Variants in JAKMIP3 observed in about 807,000 individuals in gnomAD.
The protein encoded by JAKMIP3 is Janus kinase and microtubule interacting protein 3.
JAKMIP3 carries 58 observed loss-of-function variants against 118.5 expected under a neutral mutation model. The ratio of observed to expected loss-of-function variants is 0.49; its 90% CI spans 0.40 to 0.61. JAKMIP3 has a LOEUF of 0.61. Ranked by LOEUF, JAKMIP3 falls within the 20% of genes least tolerant of loss-of-function variation. The pLI, the probability that JAKMIP3 is intolerant of heterozygous loss-of-function variation, is 0.00. For missense variants in JAKMIP3, 950 were observed against 1,109.0 expected (o/e 0.86, Z 2.04); for synonymous variants, 486 against 451.2 (o/e 1.08, Z -0.98).
intron 1 of JAKMIP3, among the ~76,000 whole-genome samples, chr10:132,041,666 C>T (rs537110881): frequency 1.2e-3 from 179 of 152,316 alleles, no homozygotes; most frequent in African/African-American, 4.0e-3. Context: ...AAACATAGCA[C>T]GCTGGCCCCG....
chr10:132,149,934 T>G, intron 15 of JAKMIP3, 48 bp from the exon 16 acceptor site: 7 of 340,568 alleles, frequency 2.1e-5, no homozygotes, highest in Non-Finnish European at 3.0e-5. Context: ...CCCCACCCCC[T>G]CTGCCCACCC....
chr10:132,180,730 C>CGT lies in JAKMIP3; in HGVS notation c.*1104-1621_*1104-1620dup, dbSNP rs1211226738. Among the ~76,000 whole-genome samples, 61 of 8,668 alleles carry CGT rather than the reference C, an allele frequency of 7.0e-3. 6 individuals carry two copies. Among genetic ancestry groups the CGT allele is most frequent in the African/African-American group, 0.016 (24 of 1,548 alleles). The allele number at this position is 8,668 out of a possible 152,430, so 5.7% of individuals were successfully genotyped here. On this transcript the variant is annotated intron_variant, in intron 23 of 23. Coordinates refer to ENST00000684848, the MANE Select transcript of JAKMIP3 (RefSeq NM_001323087.2). ...GTGCGCGTGTGTGTGCGTGTGTGTG[C>CGT]GTGTGTGCGTGCGTGCGCGCGCGTG...
Position 132,108,929 on chromosome 10 carries a change from G to A in JAKMIP3, c.135+3986G>A, listed in dbSNP as rs188207408. Among the ~76,000 whole-genome samples, 429 of 142,892 alleles carry A rather than the reference G, an allele frequency of 3.0e-3. 18 individuals are homozygous for A. Among genetic ancestry groups the A allele is most frequent in the African/African-American group, 0.011 (401 of 35,660 alleles). The allele number at this position is 142,892 out of a possible 152,430, so 93.7% of individuals were successfully genotyped here. A position where few individuals can be genotyped will look rare whatever the true frequency, so the allele number is the denominator to read the frequency against. On this transcript the variant is annotated intron_variant, in intron 2 of 23. Transcript: ENST00000684848. ...GCAAATGTATATATAAATTATATACGCAAATGTATATATAAATTATATACG... is the reference window on the plus strand; with the variant it reads ...GCAAATGTATATATAAATTATATACACAAATGTATATATAAATTATATACG...
rs564220449 is a variant in JAKMIP3, at chr10:132,137,981, C to T, written c.1285-138C>T. Reference sequence around the variant, plus strand: ...GAGCAGAGCTGGAGCCAGGGCCTCCCGCTGTGGTGTGGGGACAAGCCAGCC... The same window carrying T: ...GAGCAGAGCTGGAGCCAGGGCCTCCTGCTGTGGTGTGGGGACAAGCCAGCC... On this transcript the variant is annotated intron_variant, in intron 8 of 23. Coordinates refer to ENST00000684848, the MANE Select transcript of JAKMIP3 (RefSeq NM_001323087.2). The T allele has an allele frequency of 1.5e-4, 106 of 698,724 alleles. No individual in the cohort carries two copies. The East Asian group carries it at 2.4e-3, about 16-fold the overall frequency. 43.3% of individuals were successfully genotyped at this position (698,724 alleles called of 1,614,324 possible).
Position 132,167,971 on chromosome 10 carries a change from C to A in JAKMIP3, c.*41C>A, listed in dbSNP as rs781098177. ...CTTCCAGCCCCACATTGAATCGGAC[C>A]CTTTTCCTCCAGTGGGACCAGAAAG... is the stretch of plus-strand genomic sequence containing the variant. On this transcript the variant is annotated 3_prime_UTR_variant, in exon 23 of 24. Transcript: ENST00000684848. 2.3e-6 allele frequency: 3 copies of A among 1,289,432 alleles called. No individual in the cohort carries two copies. The highest frequency in any genetic ancestry group is 5.6e-5 in the East Asian group (1 of 18,014). The allele number at this position is 1,289,432 out of a possible 1,614,324, so 79.9% of individuals were successfully genotyped here. A position where few individuals can be genotyped will look rare whatever the true frequency, so the allele number is the denominator to read the frequency against.
chr10:132,078,915 C>T (rs1445886439), intron 1 of JAKMIP3, among the ~76,000 whole-genome samples: 2 of 152,226 alleles, frequency 1.3e-5, no homozygotes, highest in Admixed American at 6.5e-5. Flanking sequence ...GCGCCCTGAG[C>T]TGCCCGTCAC....
At chr10:132,136,192 C>T (rs1456453570) in intron 6 of JAKMIP3, 116 bp downstream of exon 6, 5 of 1,098,760 alleles carry the variant, frequency 4.6e-6, no homozygotes, top group African/African-American at 1.6e-5. Context: ...GTGGCCAGGC[C>T]TTCTGCTGGA....
intron 3 of JAKMIP3, among the ~76,000 whole-genome samples, chr10:132,132,648 C>T (rs954467141): frequency 2.6e-5 from 4 of 152,216 alleles, no homozygotes; most frequent in African/African-American, 4.8e-5. Context: ...AGCCTTGGCT[C>T]GCAGCCAGAT....
At chr10:132,176,899 G>C (rs898179986) in intron 23 of JAKMIP3, among the ~76,000 whole-genome samples, 3 of 151,994 alleles carry the variant, frequency 2.0e-5, no homozygotes, top group Non-Finnish European at 4.4e-5. Flanking sequence ...TGGAATCTTC[G>C]ACTTTGGGAG....
At chr10:132,139,729 G>T (rs559603620) in intron 9 of JAKMIP3, among the ~76,000 whole-genome samples, 1 of 152,352 alleles carries the variant, frequency 6.6e-6, no homozygotes, top group Non-Finnish European at 1.5e-5. Context: ...ACACAGGACA[G>T]GGGCCAGTGG....
intron 19 of JAKMIP3, among the ~76,000 whole-genome samples, chr10:132,159,655 T>A (rs1470293718): frequency 4.2e-5 from 3 of 71,542 alleles, no homozygotes; most frequent in Non-Finnish European, 5.9e-5. Flanking sequence ...GGCCTCTCCC[T>A]GTGTGATGCT....
chr10:132,124,045 A>G (rs2049044230), intron 3 of JAKMIP3, among the ~76,000 whole-genome samples: 1 of 152,228 alleles, frequency 6.6e-6, no homozygotes, highest in South Asian at 2.1e-4. Context: ...GCCTGGCATC[A>G]GGGTTCGCTT....
intron 19 of JAKMIP3, among the ~76,000 whole-genome samples, chr10:132,157,146 C>A (rs560316614): frequency 6.6e-6 from 1 of 152,160 alleles, no homozygotes; most frequent in Non-Finnish European, 1.5e-5. Flanking sequence ...ATTTTCTTCC[C>A]GTTCCTGTTC....
At chr10:132,051,606 T>G (rs1315595199) in intron 1 of JAKMIP3, among the ~76,000 whole-genome samples, 1 of 151,946 alleles carries the variant, frequency 6.6e-6, no homozygotes, top group Non-Finnish European at 1.5e-5. Context: ...TTTACTTTTT[T>G]TTTTTTCTTT....
intron 2 of JAKMIP3, among the ~76,000 whole-genome samples, chr10:132,114,066 C>T (rs2047263234): frequency 6.6e-6 from 1 of 152,242 alleles, no homozygotes; most frequent in Admixed American, 6.5e-5. Context: ...TCTGTCCTCT[C>T]TGTGAGGAGA....
Position 132,135,176 on chromosome 10 carries a change from G to A in JAKMIP3, c.969+16G>A. On this transcript the variant is annotated intron_variant, in intron 5 of 23. Transcript: ENST00000684848. ...GAATGAGCTGGTGAGCGCGGGCGGG[G>A]GCTTCTGGCTCCTGGGGGTTTGTGA... 1.9e-6 allele frequency: 3 copies of A among 1,589,974 alleles called. No homozygotes were observed. The highest frequency in any genetic ancestry group is 2.6e-6 in the Non-Finnish European group (3 of 1,163,040).
At chr10:132,129,592 A>T (rs774352875) in intron 3 of JAKMIP3, among the ~76,000 whole-genome samples, 8 of 152,124 alleles carry the variant, frequency 5.3e-5, no homozygotes, top group Non-Finnish European at 1.2e-4. Context: ...CCCAGGAGAG[A>T]GGTTGCAAGA....
intron 19 of JAKMIP3, among the ~76,000 whole-genome samples, chr10:132,159,456 T>TG (rs1190730710): frequency 4.6e-4 from 14 of 30,462 alleles, no homozygotes; most frequent in African/African-American, 1.2e-3. Context: ...TGATGCTGGG[T>TG]GGGGGGGCTC....
chr10:132,180,548 T>C lies in JAKMIP3; in HGVS notation c.*1104-1809T>C, dbSNP rs1311508462. Among the ~76,000 whole-genome samples the C allele has an allele frequency of 1.9e-3, 57 of 30,800 alleles. 15 individuals are homozygous for C. The highest frequency in any genetic ancestry group is 8.3e-3 in the African/African-American group (45 of 5,392). 20.2% of individuals were successfully genotyped at this position (30,800 alleles called of 152,430 possible). A position where few individuals can be genotyped will look rare whatever the true frequency, so the allele number is the denominator to read the frequency against. ...CTGTGTGTGTGTGTGTGTGTGTGCG[T>C]GCGTGCATGCGTGTGTGTGCGTGTG... is the stretch of plus-strand genomic sequence containing the variant. On this transcript the variant is annotated intron_variant, in intron 23 of 23. Transcript: ENST00000684848.
Sources: allele counts gnomAD v4.1 joint callset (sites outside exome capture counted in the v4.1 genomes callset), GRCh38; gene constraint gnomAD v4.1.1; transcripts MANE v1.5; gene names NCBI Gene and HGNC (gene_info 2026-07-23, HGNC 2026-07-21).